Variants in TUBGCP3 observed in about 807,000 individuals in gnomAD.
TUBGCP3 encodes tubulin gamma complex component 3.
A neutral mutation model predicts 123.1 loss-of-function variants in TUBGCP3; 50 were observed. That is an observed-to-expected ratio of 0.41 (90% CI 0.32 to 0.51). TUBGCP3 has a LOEUF of 0.51. Ranked by LOEUF, TUBGCP3 falls within the 20% of genes least tolerant of loss-of-function variation. TUBGCP3 has a pLI of 0.36. For missense variants in TUBGCP3, 882 were observed against 1,127.0 expected, an observed-to-expected ratio of 0.78 and a Z score of 3.11; for synonymous variants, 405 against 413.9, an observed-to-expected ratio of 0.98 and a Z score of 0.26.
intron 3 of TUBGCP3, among the ~76,000 whole-genome samples, chr13:112,563,692 T>C (rs1880704277): frequency 7.3e-6 from 1 of 137,424 alleles, no homozygotes; most frequent in East Asian, 2.1e-4. Flanking sequence ...TGAAACCCCA[T>C]CTCTACTAAA....
At chr13:112,500,446 CTG>C (rs780104704) in intron 19 of TUBGCP3, among the ~76,000 whole-genome samples, 1 of 152,114 alleles carries the variant, frequency 6.6e-6, no homozygotes, top group Non-Finnish European at 1.5e-5. Context: ...CAAAGGCAGA[CTG>C]TGTGAAATGA....
At chr13:112,499,215 G>A (rs1315038406) in intron 19 of TUBGCP3, 30 bp from the exon 20 acceptor site, 1 of 1,573,862 alleles carries the variant, frequency 6.4e-7, no homozygotes, top group Non-Finnish European at 8.6e-7. Context: ...TTTATGAATA[G>A]AGCCTCAACC....
At position 112,548,153 on chromosome 13, in the gene TUBGCP3, C is replaced by T. The variant is rs1879222417; in HGVS notation, c.990G>A (p.Gln330=). Residue 330 remains glutamine (Q), a synonymous_variant, in exon 9 of 22, where the codon CAG becomes CAA. Coordinates refer to ENST00000261965, the MANE Select transcript of TUBGCP3 (RefSeq NM_006322.6). ...VGQSFCAALH[Q]ELREYYRLLS... ...GCAATCGATAGTATTCTCTGAGTTC[C>T]TGGTGCAAGGCAGCACAAAAGCTCT... 6.2e-7 allele frequency: 1 copy of T among 1,605,042 alleles called. No individual in the cohort carries two copies. Among genetic ancestry groups the T allele is most frequent in the Non-Finnish European group, 8.5e-7 (1 of 1,174,796 alleles).
intron 18 of TUBGCP3, 146 bp from the exon 19 acceptor site, chr13:112,504,309 A>T (rs1881134074): frequency 6.8e-6 from 7 of 1,031,410 alleles, no homozygotes; most frequent in Non-Finnish European, 8.4e-6. Flanking sequence ...CCAACATGGC[A>T]AAACCCCGTC....
Position 112,492,431 on chromosome 13 carries a change from A to G in TUBGCP3, c.2449-2734T>C, listed in dbSNP as rs1367458155. On this transcript the variant is annotated intron_variant, in intron 20 of 21. Coordinates refer to ENST00000261965, the MANE Select transcript of TUBGCP3 (RefSeq NM_006322.6). Reference sequence around the variant, plus strand: ...TAAAAACTCATACATGAACAGCTTAATAAGTTATCACAAGATGAATATGCG... The same window carrying G: ...TAAAAACTCATACATGAACAGCTTAGTAAGTTATCACAAGATGAATATGCG... Among the ~76,000 whole-genome samples the G allele has an allele frequency of 2.0e-5, 3 of 152,260 alleles. No homozygotes were observed. The South Asian group carries it at 6.2e-4, about 31-fold the overall frequency.
rs114762920 is a variant in TUBGCP3, at chr13:112,496,075, C to T, written c.2448+2970G>A. ...TGAGATTCTTATTCTGAGACAGTCA[C>T]GTGTATGGGTGCATGCATGGATGCA... On this transcript the variant is annotated intron_variant, in intron 20 of 21. Transcript: ENST00000261965. Among the ~76,000 whole-genome samples, 468 of 152,236 alleles carry T rather than the reference C, an allele frequency of 3.1e-3. 3 individuals carry two copies. The highest frequency in any genetic ancestry group is 9.3e-3 in the African/African-American group (387 of 41,520).
chr13:112,547,301 C>T, intron 10 of TUBGCP3: 1 of 401,462 alleles, frequency 2.5e-6, no homozygotes, highest in Non-Finnish European at 4.4e-6. Context: ...CTCCTCTTTC[C>T]CACCTCCATC....
chr13:112,513,750 T>TTTAATAAACA (rs1875834520), intron 17 of TUBGCP3, among the ~76,000 whole-genome samples: 1 of 152,146 alleles, frequency 6.6e-6, no homozygotes, highest in South Asian at 2.1e-4. Flanking sequence ...GTAAGAACAC[T>TTTAATAAACA]GACACCCCAA....
chr13:112,501,896 C>T (rs942895462), intron 19 of TUBGCP3, among the ~76,000 whole-genome samples: 33 of 152,254 alleles, frequency 2.2e-4, no homozygotes, highest in African/African-American at 7.2e-4. Context: ...CAGTGGAAAT[C>T]ATCTAGGGGC....
intron 20 of TUBGCP3, among the ~76,000 whole-genome samples, chr13:112,492,403 G>GTAT (rs1442508046): frequency 6.6e-6 from 1 of 152,160 alleles, no homozygotes; most frequent in Admixed American, 6.5e-5. Flanking sequence ...ATATAAAAAA[G>GTAT]TATAAAAACT....
intron 1 of TUBGCP3, among the ~76,000 whole-genome samples, chr13:112,579,594 T>C (rs966218228): frequency 3.3e-5 from 5 of 150,466 alleles, no homozygotes; most frequent in Non-Finnish European, 5.9e-5. Context: ...CCCACACTGC[T>C]GTGTGCGGGT....
rs377080769 is a variant in TUBGCP3 at position 112,555,192 on chromosome 13, T to C, written c.722-187A>G. On this transcript the variant is annotated intron_variant, in intron 6 of 21. Coordinates refer to ENST00000261965, the MANE Select transcript of TUBGCP3 (RefSeq NM_006322.6). ...AACAAGGCGAGTCTCAGTCTAGAGGTTGGCCTGCTGTGCCATGAACGCACA... is the reference window on the plus strand; with the variant it reads ...AACAAGGCGAGTCTCAGTCTAGAGGCTGGCCTGCTGTGCCATGAACGCACA... 3.3e-5 allele frequency among the ~76,000 whole-genome samples: 5 copies of C among 152,240 alleles called. No homozygotes were observed. In the South Asian group the frequency reaches 6.2e-4, roughly 19 times the overall value.
chr13:112,502,800 CT>C (rs1881019861), intron 19 of TUBGCP3, among the ~76,000 whole-genome samples: 1 of 152,094 alleles, frequency 6.6e-6, no homozygotes, highest in Non-Finnish European at 1.5e-5. Context: ...CCACCTCAGC[CT>C]CCCAAAGTGC....
At position 112,499,036 on chromosome 13, in the gene TUBGCP3, A is replaced by C. The variant is rs757179677; in HGVS notation, c.2448+9T>G. ...CAAATAGATAAATTCACAAGTGTAA[A>C]GACCATACCTCAATTTCACGCTGTT... On this transcript the variant is annotated intron_variant, in intron 20 of 21. Coordinates refer to ENST00000261965, the MANE Select transcript of TUBGCP3 (RefSeq NM_006322.6). The C allele has an allele frequency of 6.2e-7, 1 of 1,614,210 alleles. No individual in the cohort carries two copies. The highest frequency in any genetic ancestry group is 8.5e-7 in the Non-Finnish European group (1 of 1,180,032).
intron 20 of TUBGCP3, among the ~76,000 whole-genome samples, chr13:112,495,983 CA>C (rs911477224): frequency 2.3e-4 from 35 of 151,186 alleles, no homozygotes; most frequent in Admixed American, 1.4e-3. Flanking sequence ...TTTTTTCCCT[CA>C]AAAAAAACTG....
At chr13:112,585,416 C>T (rs1256074455) in intron 1 of TUBGCP3, among the ~76,000 whole-genome samples, 2 of 152,212 alleles carry the variant, frequency 1.3e-5, no homozygotes, top group Admixed American at 1.3e-4. Flanking sequence ...TCCTAGCTAT[C>T]TAGAACATAG....
chr13:112,533,201 A>C (rs1877730945), intron 11 of TUBGCP3, among the ~76,000 whole-genome samples: 1 of 152,242 alleles, frequency 6.6e-6, no homozygotes, highest in African/African-American at 2.4e-5. Flanking sequence ...GAAGTCCCCG[A>C]GGAATAGCAG....
In TUBGCP3 at chr13:112,587,924, CCTGCAGCACAGGTT is replaced by C; in HGVS notation, c.43_56del (p.Asn15AspfsTer8). 3 of 1,594,114 alleles carry C rather than the reference CCTGCAGCACAGGTT, an allele frequency of 1.9e-6. No individual in the cohort carries two copies. Among genetic ancestry groups the C allele is most frequent in the Non-Finnish European group, 2.6e-6 (3 of 1,171,914 alleles). ...CTCTACCTTCGCTCCTGCCCAGGAT[CCTGCAGCACAGGTT>C]CTGCAGCAGAACGTTCGGCGACTTC... On this transcript the variant is annotated frameshift_variant, in exon 1 of 22. Transcript: ENST00000261965. LOFTEE classifies it high-confidence loss of function.
the TUBGCP3 span, among the ~76,000 whole-genome samples, chr13:112,594,169 G>A: frequency 1.3e-5 from 2 of 152,148 alleles, no homozygotes; most frequent in Admixed American, 1.3e-4. Context: ...TATTTTACAA[G>A]GCCAGTATTA....
Sources: gnomAD v4.1 joint callset for allele counts (sites outside exome capture counted in the v4.1 genomes callset) on GRCh38, gnomAD v4.1.1 for gene constraint, MANE v1.5 for transcripts, NCBI Gene and HGNC (gene_info 2026-07-23, HGNC 2026-07-21) for gene names.